Variants in SDHAF3 observed in about 807,000 individuals in gnomAD.
The protein encoded by SDHAF3 is succinate dehydrogenase complex assembly factor 3.
Under a neutral mutation model 11.5 loss-of-function variants are expected in SDHAF3, and 18 were observed. That is an observed-to-expected ratio of 1.56 (90% CI 1.08 to 2.32). The LOEUF (loss-of-function observed/expected upper bound fraction) is 2.32. Ranked by LOEUF, SDHAF3 falls within the 30% of genes most tolerant of loss-of-function variation. The pLI, the probability that SDHAF3 is intolerant of heterozygous loss-of-function variation, is 0.00. For missense variants in SDHAF3, 200 were observed against 154.4 expected (o/e 1.30, Z -1.57); for synonymous variants, 72 against 59.3 (o/e 1.21, Z -0.99).
Position 97,159,764 on chromosome 7 carries a change from T to C in SDHAF3, c.175-21248T>C, listed in dbSNP as rs77045296. ...TTAAAAAGCCACGAAACTGTCCTAC[T>C]GAGATTTAGTTCTTTTTTTCTTGAC... On this transcript the variant is annotated intron_variant, in intron 1 of 1. Coordinates refer to ENST00000432641, the MANE Select transcript of SDHAF3 (RefSeq NM_020186.3). Among the ~76,000 whole-genome samples the C allele has an allele frequency of 1.9e-3, 290 of 152,352 alleles. 1 individual carries two copies. Among genetic ancestry groups the C allele is most frequent in the African/African-American group, 6.4e-3 (267 of 41,586 alleles).
chr7:97,142,097 G>A (rs909100959), intron 1 of SDHAF3, among the ~76,000 whole-genome samples: 1 of 123,426 alleles, frequency 8.1e-6, no homozygotes, highest in Non-Finnish European at 1.6e-5. Flanking sequence ...CCTGTTGCCT[G>A]GGCTGGAGTG....
intron 1 of SDHAF3, among the ~76,000 whole-genome samples, chr7:97,124,415 A>G (rs143201347): frequency 1.4e-3 from 210 of 152,292 alleles, no homozygotes; most frequent in African/African-American, 4.8e-3. Flanking sequence ...AATAGTTTGA[A>G]GTCAGGTAGC....
intron 1 of SDHAF3, among the ~76,000 whole-genome samples, chr7:97,170,157 C>CATATTAATGTGTATA (rs1314674029): frequency 6.6e-6 from 1 of 151,592 alleles, no homozygotes; most frequent in Non-Finnish European, 1.5e-5. Flanking sequence ...GTGAACCACA[C>CATATTAATGTGTATA]ATATTAATGT....
chr7:97,154,737 T>C (rs1292728163), intron 1 of SDHAF3, among the ~76,000 whole-genome samples: 1 of 152,190 alleles, frequency 6.6e-6, no homozygotes, highest in Non-Finnish European at 1.5e-5. Context: ...TGTTTTGTTT[T>C]TTGTTTTTAT....
At chr7:97,124,024 G>A (rs1791538594) in intron 1 of SDHAF3, among the ~76,000 whole-genome samples, 1 of 152,046 alleles carries the variant, frequency 6.6e-6, no homozygotes, top group Admixed American at 6.5e-5. Flanking sequence ...TGTCAATTTT[G>A]GCTTTCGTTG....
intron 1 of SDHAF3, among the ~76,000 whole-genome samples, chr7:97,163,092 C>G (rs1933278345): frequency 1.3e-5 from 2 of 149,660 alleles, no homozygotes; most frequent in African/African-American, 4.9e-5. Flanking sequence ...TAAGATAGCT[C>G]TTCTTGCTGC....
At chr7:97,146,263 A>C (rs1444435348) in intron 1 of SDHAF3, among the ~76,000 whole-genome samples, 3 of 152,138 alleles carry the variant, frequency 2.0e-5, no homozygotes, top group Non-Finnish European at 4.4e-5. Flanking sequence ...TGGTTGTATA[A>C]TTTGTTGTCA....
chr7:97,121,214 T>C (rs927121473), intron 1 of SDHAF3, among the ~76,000 whole-genome samples: 4 of 152,218 alleles, frequency 2.6e-5, no homozygotes, highest in Non-Finnish European at 5.9e-5. Context: ...CTGACTGTGC[T>C]CATTTTTGAG....
At chr7:97,158,467 A>G (rs553735937) in intron 1 of SDHAF3, among the ~76,000 whole-genome samples, 1 of 152,218 alleles carries the variant, frequency 6.6e-6, no homozygotes, top group East Asian at 1.9e-4. Context: ...AGCTAGGATT[A>G]CAGGTGCCTG....
At chr7:97,180,305 A>G (rs1789749855) in intron 1 of SDHAF3, among the ~76,000 whole-genome samples, 1 of 152,220 alleles carries the variant, frequency 6.6e-6, no homozygotes, top group Non-Finnish European at 1.5e-5. Flanking sequence ...GCTGCCATAA[A>G]TAGGATGAAA....
At position 97,170,400 on chromosome 7, in the gene SDHAF3, A is replaced by G. The variant is rs1252679197; in HGVS notation, c.175-10612A>G. Among the ~76,000 whole-genome samples the G allele has an allele frequency of 2.6e-5, 4 of 152,204 alleles. No individual in the cohort carries two copies. The East Asian group carries it at 7.7e-4, about 29-fold the overall frequency. ...AGTTTTATGAATACATTTTTAGATT[A>G]AGTAAAATAAGTTATGTAATATTAC... On this transcript the variant is annotated intron_variant, in intron 1 of 1. Coordinates refer to ENST00000432641, the MANE Select transcript of SDHAF3 (RefSeq NM_020186.3).
chr7:97,150,313 G>A (rs961167160), intron 1 of SDHAF3, among the ~76,000 whole-genome samples: 1 of 152,118 alleles, frequency 6.6e-6, no homozygotes, highest in Non-Finnish European at 1.5e-5. Context: ...TCCTTTCCAG[G>A]AGTTTTTCAA....
intron 1 of SDHAF3, chr7:97,135,595 G>GTGTGTGTGTC (rs1166665718): frequency 6.9e-6 from 1 of 144,168 alleles, no homozygotes; most frequent in African/African-American, 2.6e-5. Context: ...GTGTGTGTGT[G>GTGTGTGTGTC]TGTGTGTCTG....
intron 1 of SDHAF3, among the ~76,000 whole-genome samples, chr7:97,165,130 CA>C (rs1327239594): frequency 6.6e-6 from 1 of 151,792 alleles, no homozygotes; most frequent in Non-Finnish European, 1.5e-5. Context: ...TAAAAAAATA[CA>C]AAAAAATTAG....
At chr7:97,135,993 C>T (rs1233598852) in intron 1 of SDHAF3, among the ~76,000 whole-genome samples, 1 of 151,688 alleles carries the variant, frequency 6.6e-6, no homozygotes, top group Non-Finnish European at 1.5e-5. Flanking sequence ...GGGCTAGTCC[C>T]TGTATATATT....
rs71131003 is a variant in SDHAF3, at chr7:97,142,042, C to CTTTTTTTTTTTTTTTTTTT, written c.174+24156_174+24174dup. ...AGCAATGAAATGTGTGAATTGTTGTCTTTTTTTTTTTTTTTTTTTTTTTTT... is the reference window on the plus strand; with the variant it reads ...AGCAATGAAATGTGTGAATTGTTGTCTTTTTTTTTTTTTTTTTTTTTTTTTTTTTTTTTTTTTTTTTTTT... On this transcript the variant is annotated intron_variant, in intron 1 of 1. Coordinates refer to ENST00000432641, the MANE Select transcript of SDHAF3 (RefSeq NM_020186.3). Among the ~76,000 whole-genome samples the CTTTTTTTTTTTTTTTTTTT allele has an allele frequency of 4.9e-5, 3 of 61,694 alleles. 1 individual carries two copies. Among genetic ancestry groups the CTTTTTTTTTTTTTTTTTTT allele is most frequent in the East Asian group, 1.3e-3 (2 of 1,486 alleles). The allele number at this position is 61,694 out of a possible 152,430, so 40.5% of individuals were successfully genotyped here.
At chr7:97,159,306 G>A (rs1055448514) in intron 1 of SDHAF3, among the ~76,000 whole-genome samples, 8 of 152,180 alleles carry the variant, frequency 5.3e-5, no homozygotes, top group African/African-American at 1.9e-4. Flanking sequence ...TTTTAGACTT[G>A]TAGCCATGTG....
At chr7:97,165,241 C>G (rs1199290) in intron 1 of SDHAF3, among the ~76,000 whole-genome samples, 2 of 151,758 alleles carry the variant, frequency 1.3e-5, no homozygotes, top group Admixed American at 1.3e-4. Context: ...GAGCCGAGAT[C>G]GTGCCACTGC....
chr7:97,172,319 C>T (rs192715140), intron 1 of SDHAF3, among the ~76,000 whole-genome samples: 3 of 152,152 alleles, frequency 2.0e-5, no homozygotes, highest in Non-Finnish European at 2.9e-5. Context: ...TGTGACCAAT[C>T]GTTATACCTC....
Sources: gnomAD v4.1 joint callset for allele counts (sites outside exome capture counted in the v4.1 genomes callset) on GRCh38, gnomAD v4.1.1 for gene constraint, MANE v1.5 for transcripts, NCBI Gene and HGNC (gene_info 2026-07-23, HGNC 2026-07-21) for gene names.